The following CRIP2 variants were observed in gnomAD, a reference collection of about 807,000 sequenced individuals.
CRIP2 encodes cysteine-rich protein 2.
A neutral mutation model predicts 31.3 loss-of-function variants in CRIP2; 31 were observed. The ratio of observed to expected loss-of-function variants is 0.99; its 90% CI spans 0.74 to 1.34. The LOEUF (loss-of-function observed/expected upper bound fraction) is 1.34, where lower values mean the gene tolerates loss of function less well. Among genes scored for constraint, CRIP2 ranks in the 40% most tolerant of loss-of-function variants. The pLI, the probability that CRIP2 is intolerant of heterozygous loss-of-function variation, is 0.00. For synonymous variants in CRIP2, 177 were observed against 127.2 expected (o/e 1.39, Z -2.63); for missense variants, 389 against 301.6 (o/e 1.29, Z -2.15).
chr14:105,479,675 TGGGCTCACCTGCGCCCCAGACCCTGCAG>T lies in CRIP2; in HGVS notation c.*27_*54del, dbSNP rs1555436956. On this transcript the variant is annotated 3_prime_UTR_variant, in exon 8 of 8. Coordinates refer to ENST00000329146, the MANE Select transcript of CRIP2 (RefSeq NM_001312.4). ...CTAGGCTACAGCGGCTCTCATGATG[TGGGCTCACCTGCGCCCCAGACCCTGCAG>T]GGGCCCCCCTGCTTGGCTCTGCTGG... is the stretch of plus-strand genomic sequence containing the variant. 1.9e-6 allele frequency: 3 copies of T among 1,605,722 alleles called. No individual in the cohort carries two copies. Among genetic ancestry groups the T allele is most frequent in the African/African-American group, 1.3e-5 (1 of 74,856 alleles).
rs587752804 is a variant in CRIP2, at chr14:105,476,793, C to G, written c.44-1473C>G. The stretch of plus-strand genomic sequence containing the variant: ...GTGGTTCTGGTCAGAGGGCTCTAAG[C>G]TGGTGCAGCCTTGTGGTTGGGCTGG... On this transcript the variant is annotated intron_variant, in intron 1 of 7. Transcript: ENST00000329146. 1.5e-5 allele frequency: 15 copies of G among 982,672 alleles called. No individual in the cohort carries two copies. The South Asian group carries it at 5.7e-4, about 37-fold the overall frequency. 60.9% of individuals were successfully genotyped at this position (982,672 alleles called of 1,614,324 possible).
chr14:105,474,847 A>C lies in CRIP2; in HGVS notation c.-16A>C. 6.8e-7 allele frequency: 1 copy of C among 1,477,668 alleles called. No individual in the cohort carries two copies. Among genetic ancestry groups the C allele is most frequent in the South Asian group, 1.3e-5 (1 of 77,812 alleles). The allele number at this position is 1,477,668 out of a possible 1,614,324, so 91.5% of individuals were successfully genotyped here. A position where few individuals can be genotyped will look rare whatever the true frequency, so the allele number is the denominator to read the frequency against. ...GAGAACGGGCGGAGGGCGCGGGCCG[A>C]CCGGGCGCACCGACCATGGCCTCCA... On this transcript the variant is annotated 5_prime_UTR_variant, in exon 1 of 8. Coordinates refer to ENST00000329146, the MANE Select transcript of CRIP2 (RefSeq NM_001312.4). The surrounding 1 kb of genome is among the most constrained non-coding windows in gnomAD (Gnocchi z 5.1).
Position 105,478,397 on chromosome 14 carries a change from T to C in CRIP2, c.138+37T>C. ...TGCGCGGCGCGGGCGGGGGCGGGGG[T>C]CGCGACTCCCGCCACCCTCAGGCAG... On this transcript the variant is annotated intron_variant, in intron 2 of 7. Transcript: ENST00000329146. This position sits in a 1 kb window ranked among gnomAD's most constrained non-coding sequence, Gnocchi z 4.9. The C allele has an allele frequency of 1.9e-6, 3 of 1,541,310 alleles. No individual in the cohort carries two copies. Among genetic ancestry groups the C allele is most frequent in the African/African-American group, 1.4e-5 (1 of 71,020 alleles).
At position 105,478,526 on chromosome 14, in the gene CRIP2, C is replaced by T; in HGVS notation, c.196+19C>T. On this transcript the variant is annotated intron_variant, in intron 3 of 7. Coordinates refer to ENST00000329146, the MANE Select transcript of CRIP2 (RefSeq NM_001312.4). The surrounding 1 kb of genome is among the most constrained non-coding windows in gnomAD (Gnocchi z 4.9). ...CCCAAAGGTGAGCTCCGGCTGCCCT[C>T]GGCCTGCCCTGGGACCTGCTGGGAG... 1.2e-6 allele frequency: 2 copies of T among 1,604,488 alleles called. No individual in the cohort carries two copies. The highest frequency in any genetic ancestry group is 8.5e-7 in the Non-Finnish European group (1 of 1,177,078).
rs1567061488 is a variant in CRIP2, at chr14:105,477,719, G to GGGGAAGCGGGTGTGT, written c.44-544_44-543insAAGCGGGTGTGTGGG. 9 of 1,346 alleles carry GGGGAAGCGGGTGTGT rather than the reference G, an allele frequency of 6.7e-3. 1 individual carries two copies. Among genetic ancestry groups the GGGGAAGCGGGTGTGT allele is most frequent in the Middle Eastern group, 0.25 (1 of 4 alleles). 0.1% of individuals were successfully genotyped at this position (1,346 alleles called of 1,614,324 possible). ...TGTGTCTGAGGAAGCGGGTGTGTGT[G>GGGGAAGCGGGTGTGT]GGGGGAAGCGGGTGTGTGGAGGCGG... On this transcript the variant is annotated intron_variant, in intron 1 of 7. Transcript: ENST00000329146.
chr14:105,475,932 C>T (rs2083922940), intron 1 of CRIP2: 1 of 985,538 alleles, frequency 1.0e-6, no homozygotes, highest in African/African-American at 1.7e-5. Flanking sequence ...TGCGGCCAGG[C>T]TGCAGGGAAG....
intron 1 of CRIP2, chr14:105,475,261 C>G (rs1555435530): frequency 4.4e-6 from 1 of 228,692 alleles, no homozygotes; most frequent in Non-Finnish European, 8.5e-6. Context: ...CGGGGCAGGG[C>G]GTGGCTGTAC....
In CRIP2 at chr14:105,478,180, G is replaced by A. The variant is rs1344086375; in HGVS notation, c.44-86G>A. ...TCCTGAAAGTGGGGACCCCCGGAGC[G>A]CGTGGGGGTGGTGGCTGCCAGGTGG... On this transcript the variant is annotated intron_variant, in intron 1 of 7. Coordinates refer to ENST00000329146, the MANE Select transcript of CRIP2 (RefSeq NM_001312.4). This position sits in a 1 kb window ranked among gnomAD's most constrained non-coding sequence, Gnocchi z 4.9. 5 of 1,075,248 alleles carry A rather than the reference G, an allele frequency of 4.7e-6. No homozygotes were observed. The highest frequency in any genetic ancestry group is 5.8e-5 in the East Asian group (2 of 34,566). 66.6% of individuals were successfully genotyped at this position (1,075,248 alleles called of 1,614,324 possible). A position where few individuals can be genotyped will look rare whatever the true frequency, so the allele number is the denominator to read the frequency against.
chr14:105,473,268 G>T, upstream of CRIP2: 2 of 1,530,800 alleles, frequency 1.3e-6, no homozygotes, highest in Non-Finnish European at 8.7e-7. Flanking sequence ...ACCATCTTCT[G>T]CCTTGGCTGG....
chr14:105,473,956 C>A (rs2083882494), upstream of CRIP2, among the ~76,000 whole-genome samples: 1 of 152,212 alleles, frequency 6.6e-6, no homozygotes, highest in Non-Finnish European at 1.5e-5. Flanking sequence ...GGCACGCCCA[C>A]TCCTTCCCCT....
chr14:105,473,912 G>C (rs2083881834), upstream of CRIP2, among the ~76,000 whole-genome samples: 1 of 152,166 alleles, frequency 6.6e-6, no homozygotes, highest in Admixed American at 6.5e-5. Flanking sequence ...CGGGAGAAGG[G>C]ACTGGAGTGT....
chr14:105,478,067 G>C lies in CRIP2; in HGVS notation c.44-199G>C, dbSNP rs1322934077. Among the ~76,000 whole-genome samples, 1 of 151,416 alleles carries C rather than the reference G, an allele frequency of 6.6e-6. No homozygotes were observed. The highest frequency in any genetic ancestry group is 1.5e-5 in the Non-Finnish European group (1 of 67,756). On this transcript the variant is annotated intron_variant, in intron 1 of 7. Transcript: ENST00000329146. The surrounding 1 kb of genome is among the most constrained non-coding windows in gnomAD (Gnocchi z 4.9). ...GGCTGGGGGCGCTGAGACCCAGAGGGAGAACAGGGCCTGGGGGCGACGGGC... is the reference window on the plus strand; with the variant it reads ...GGCTGGGGGCGCTGAGACCCAGAGGCAGAACAGGGCCTGGGGGCGACGGGC...
At position 105,478,410 on chromosome 14, in the gene CRIP2, C is replaced by T. The variant is rs1555436382; in HGVS notation, c.139-40C>T. ...CGGGGGCGGGGGTCGCGACTCCCGC[C>T]ACCCTCAGGCAGGGTCCTGACCCGC... On this transcript the variant is annotated intron_variant, in intron 2 of 7. Transcript: ENST00000329146. The surrounding 1 kb of genome is among the most constrained non-coding windows in gnomAD (Gnocchi z 4.9). The T allele has an allele frequency of 6.3e-7, 1 of 1,587,588 alleles. No individual in the cohort carries two copies. The highest frequency in any genetic ancestry group is 8.5e-7 in the Non-Finnish European group (1 of 1,171,092).
Position 105,479,215 on chromosome 14 carries a change from C to T in CRIP2, c.497C>T (p.Ala166Val), listed in dbSNP as rs1555436750. 2 of 1,608,380 alleles carry T rather than the reference C, an allele frequency of 1.2e-6. No individual in the cohort carries two copies. Among genetic ancestry groups the T allele is most frequent in the East Asian group, 2.2e-5 (1 of 44,706 alleles). ...CGKTLTPGGH[A>V]EHDGQPYCHK... ...AAGACACTGACCCCCGGCGGGCACG[C>T]GGAGGTGAGGGGAGTGCAACGGGGC... Residue 166 changes from alanine (A) to valine (V), a missense_variant, in exon 6 of 8, where the codon GCG becomes GTG. By Grantham distance (64) the Ala-to-Val change is moderately conservative (BLOSUM62 0). Coordinates refer to ENST00000329146, the MANE Select transcript of CRIP2 (RefSeq NM_001312.4).
chr14:105,479,091 C>T, intron 5 of CRIP2, 34 bp from the exon 6 acceptor site: 1 of 1,601,420 alleles, frequency 6.2e-7, no homozygotes, highest in Non-Finnish European at 8.5e-7. Flanking sequence ...CCGCCCCCGC[C>T]CCGGGGCTCG....
rs1379937156 is a variant in CRIP2, at chr14:105,477,963, C to T, written c.44-303C>T. On this transcript the variant is annotated intron_variant, in intron 1 of 7. Transcript: ENST00000329146. ...GAGCGCGGGCAGGCTCGAGCACAGG[C>T]CCCTTCACCGCAGGCACTGAGGGGA... Among the ~76,000 whole-genome samples, 5 of 145,560 alleles carry T rather than the reference C, an allele frequency of 3.4e-5. No homozygotes were observed. In the East Asian group the frequency reaches 6.1e-4, roughly 18 times the overall value.
chr14:105,479,590 G>C lies in CRIP2; in HGVS notation c.564G>C (p.Val188=). 6.2e-7 allele frequency: 1 copy of C among 1,612,772 alleles called. No homozygotes were observed. Among genetic ancestry groups the C allele is most frequent in the Non-Finnish European group, 8.5e-7 (1 of 1,179,936 alleles). The change falls in exon 8 of 8, where the codon GTG becomes GTC. Residue 188 remains valine (V), a synonymous_variant. Coordinates refer to ENST00000329146, the MANE Select transcript of CRIP2 (RefSeq NM_001312.4). ...CCCAGCGGCCTCCCTCCACAGGAGT[G>C]AACACCGGTGCGGTGGGCAGCTACA... The part of the protein sequence containing the change: ...CYGILFGPKG[V]NTGAVGSYIY...
chr14:105,475,846 G>A, intron 1 of CRIP2: 2 of 985,508 alleles, frequency 2.0e-6, no homozygotes, highest in Non-Finnish European at 2.4e-6. Context: ...GCTGCACGAA[G>A]GGGGGCAGAC....
chr14:105,473,387 G>GGT, upstream of CRIP2: 1 of 1,535,730 alleles, frequency 6.5e-7, no homozygotes. Flanking sequence ...GTGGCTGCAG[G>GGT]GTGTGTGTGC....
Sources: allele counts gnomAD v4.1 joint callset (sites outside exome capture counted in the v4.1 genomes callset), GRCh38; gene constraint gnomAD v4.1.1; non-coding constraint Gnocchi (gnomAD v3.1); transcripts MANE v1.5; gene names NCBI Gene and HGNC (gene_info 2026-07-23, HGNC 2026-07-21).